GPC6: variants seen among roughly 807,000 people sequenced by gnomAD.
GPC6 encodes the protein glypican 6.
Under a neutral mutation model 55.2 loss-of-function variants are expected in GPC6, and 14 were observed. The observed-to-expected ratio is 0.25, with a 90% CI of 0.17 to 0.40. The LOEUF (loss-of-function observed/expected upper bound fraction) is 0.40. Among genes scored for constraint, GPC6 ranks in the 10% least tolerant of loss-of-function variants. GPC6 has a pLI of 1.00. For synonymous variants in GPC6, 278 were observed against 259.6 expected, an observed-to-expected ratio of 1.07 and a Z score of -0.68; for missense variants, 641 against 708.5, an observed-to-expected ratio of 0.90 and a Z score of 1.08.
intron 4 of GPC6, among the ~76,000 whole-genome samples, chr13:94,276,475 TTTTTA>T (rs1202490078): frequency 1.9e-5 from 1 of 51,780 alleles, no homozygotes; most frequent in Non-Finnish European, 4.2e-5. Flanking sequence ...CTCATTTTTA[TTTTTA>T]TTTTATTTTA....
chr13:93,319,365 A>G (rs12860856), intron 1 of GPC6, among the ~76,000 whole-genome samples: 48,122 of 151,982 alleles, frequency 0.32, 8,072 homozygotes, highest in East Asian at 0.47. Flanking sequence ...ACCCACTAAA[A>G]AGGAAATTGG....
chr13:93,791,922 G>C (rs1168186721), intron 2 of GPC6, among the ~76,000 whole-genome samples: 2 of 152,146 alleles, frequency 1.3e-5, no homozygotes, highest in South Asian at 2.1e-4. Context: ...ATTAATTTTC[G>C]ATCTATAGTC....
At chr13:94,145,955 AAAG>A (rs1887548916) in intron 4 of GPC6, among the ~76,000 whole-genome samples, 1 of 152,202 alleles carries the variant, frequency 6.6e-6, no homozygotes, top group African/African-American at 2.4e-5. Context: ...GTCTGCAATG[AAAG>A]AAGTCTGAGC....
chr13:93,443,889 C>T (rs1877897547), intron 1 of GPC6, among the ~76,000 whole-genome samples: 1 of 152,058 alleles, frequency 6.6e-6, no homozygotes. Flanking sequence ...GACATCAGAG[C>T]CATAAATAAG....
intron 3 of GPC6, among the ~76,000 whole-genome samples, chr13:93,996,196 A>C (rs184303224): frequency 6.6e-6 from 1 of 152,306 alleles, no homozygotes; most frequent in Admixed American, 6.5e-5. Context: ...TCCTTTAAAA[A>C]TTTTTGGAAT....
At chr13:93,289,690 C>T (rs1191174416) in intron 1 of GPC6, among the ~76,000 whole-genome samples, 1 of 151,978 alleles carries the variant, frequency 6.6e-6, no homozygotes, top group Admixed American at 6.6e-5. Context: ...CAAATCCTAC[C>T]AAGAGGGTCA....
chr13:93,554,178 T>C (rs1875331027), intron 2 of GPC6, among the ~76,000 whole-genome samples: 1 of 151,298 alleles, frequency 6.6e-6, no homozygotes, highest in Admixed American at 6.6e-5. Flanking sequence ...AGAGCTGACT[T>C]GAACATACAC....
chr13:94,105,563 C>A (rs1218166980), intron 4 of GPC6, among the ~76,000 whole-genome samples: 1 of 152,058 alleles, frequency 6.6e-6, no homozygotes, highest in Non-Finnish European at 1.5e-5. Flanking sequence ...AGAGGTATAA[C>A]CTCAGGACCT....
intron 4 of GPC6, among the ~76,000 whole-genome samples, chr13:94,110,461 G>A (rs1300380766): frequency 2.0e-5 from 3 of 152,056 alleles, no homozygotes; most frequent in Admixed American, 6.6e-5. Flanking sequence ...AAATGGGGCC[G>A]AAGGGAGATC....
intron 4 of GPC6, among the ~76,000 whole-genome samples, chr13:94,186,006 G>C (rs1440284230): frequency 2.4e-5 from 3 of 122,494 alleles, no homozygotes; most frequent in African/African-American, 9.6e-5. Context: ...CTTACAGTGA[G>C]CCGAGATCGC....
intron 1 of GPC6, among the ~76,000 whole-genome samples, chr13:93,473,892 G>T (rs1879214248): frequency 6.6e-6 from 1 of 152,166 alleles, no homozygotes; most frequent in African/African-American, 2.4e-5. Context: ...CTGGCTATGT[G>T]AAGGTGGGGG....
chr13:93,300,925 G>A (rs1182409327), intron 1 of GPC6, among the ~76,000 whole-genome samples: 1 of 150,682 alleles, frequency 6.6e-6, no homozygotes, highest in African/African-American at 2.4e-5. Flanking sequence ...AGGCTGAGGT[G>A]GGAGAATCAT....
intron 1 of GPC6, among the ~76,000 whole-genome samples, chr13:93,328,133 T>G (rs1402620887): frequency 3.3e-5 from 5 of 152,158 alleles, no homozygotes; most frequent in Non-Finnish European, 5.9e-5. Flanking sequence ...TTTTTGTAAT[T>G]TTCTACCTCA....
chr13:93,543,820 C>T (rs1429724167), intron 1 of GPC6, among the ~76,000 whole-genome samples: 5 of 152,188 alleles, frequency 3.3e-5, no homozygotes, highest in Admixed American at 2.6e-4. Context: ...TGATTTCCTT[C>T]TCTTCAGATA....
intron 1 of GPC6, among the ~76,000 whole-genome samples, chr13:93,308,693 T>C (rs1878959859): frequency 6.6e-6 from 1 of 152,182 alleles, no homozygotes; most frequent in Non-Finnish European, 1.5e-5. Context: ...CTGCCCGCCT[T>C]GGCCTCCCAA....
chr13:93,894,708 G>A (rs1023320542), intron 3 of GPC6, among the ~76,000 whole-genome samples: 2 of 152,060 alleles, frequency 1.3e-5, no homozygotes, highest in African/African-American at 4.8e-5. Flanking sequence ...CAGATTTGTA[G>A]CTGTTAATCA....
intron 2 of GPC6, among the ~76,000 whole-genome samples, chr13:93,697,738 GTGATTAGATCATACGT>G (rs1258562684): frequency 6.6e-6 from 1 of 152,182 alleles, no homozygotes; most frequent in Admixed American, 6.5e-5. Flanking sequence ...GTCCTTGAGT[GTGATTAGATCATACGT>G]TGATTAGATC....
chr13:93,673,670 C>T lies in GPC6; in HGVS notation c.319+128249C>T, dbSNP rs533703129. Among the ~76,000 whole-genome samples, 4 of 152,142 alleles carry T rather than the reference C, an allele frequency of 2.6e-5. No individual in the cohort carries two copies. In the East Asian group the frequency reaches 7.7e-4, roughly 29 times the overall value. On this transcript the variant is annotated intron_variant, in intron 2 of 8. Transcript: ENST00000377047. ...GTGAAAATTCATTAAATACAGGATA[C>T]TTTTTTGTATGTTAAAATTCAACCA...
rs543511404 is a variant in GPC6, at chr13:93,570,444, T to C, written c.319+25023T>C. The stretch of plus-strand genomic sequence containing the variant: ...TTATGGCACAGATGTTTATGTATTA[T>C]GCAGAGTTATTTTATCGACTTACAA... On this transcript the variant is annotated intron_variant, in intron 2 of 8. Coordinates refer to ENST00000377047, the MANE Select transcript of GPC6 (RefSeq NM_005708.5). Among the ~76,000 whole-genome samples the C allele has an allele frequency of 3.3e-5, 5 of 152,278 alleles. No individual in the cohort carries two copies. In the South Asian group the frequency reaches 6.2e-4, roughly 19 times the overall value.
Sources: allele counts gnomAD v4.1 joint callset (sites outside exome capture counted in the v4.1 genomes callset), GRCh38; gene constraint gnomAD v4.1.1; transcripts MANE v1.5; gene names NCBI Gene and HGNC (gene_info 2026-07-23, HGNC 2026-07-21).